CADM2: variants seen among roughly 807,000 people sequenced by gnomAD.
The protein encoded by CADM2 is immunoglobulin superfamily member 4D.
CADM2 carries 12 observed loss-of-function variants against 49.8 expected under a neutral mutation model. The ratio of observed to expected loss-of-function variants is 0.24; its 90% confidence interval spans 0.15 to 0.39. The LOEUF (loss-of-function observed/expected upper bound fraction) is 0.39, where lower values mean the gene tolerates loss of function less well. Ranked by LOEUF, CADM2 falls within the 10% of genes least tolerant of loss-of-function variation. The pLI is 1.00. For missense variants in CADM2, 378 were observed against 492.3 expected, an observed-to-expected ratio of 0.77 and a Z score of 2.20; for synonymous variants, 214 against 175.4, an observed-to-expected ratio of 1.22 and a Z score of -1.74.
intron 1 of CADM2, among the ~76,000 whole-genome samples, chr3:85,180,931 T>C (rs1390910755): frequency 1.3e-5 from 2 of 152,058 alleles, no homozygotes; most frequent in South Asian, 4.1e-4. Context: ...CAGGTATAAG[T>C]GATTAGTCCC....
At chr3:85,262,049 C>T (rs957099297) in intron 1 of CADM2, among the ~76,000 whole-genome samples, 1 of 152,030 alleles carries the variant, frequency 6.6e-6, no homozygotes, top group African/African-American at 2.4e-5. Context: ...CCATTTACAT[C>T]TTTGGCTGGT....
chr3:86,014,463 G>A (rs1287799481), intron 8 of CADM2: 14 of 1,496,382 alleles, frequency 9.4e-6, no homozygotes, highest in Non-Finnish European at 1.3e-5. Context: ...CACAAATTTG[G>A]TAACCAAACT....
chr3:85,537,505 T>C (rs1256820900), intron 1 of CADM2, among the ~76,000 whole-genome samples: 4 of 151,842 alleles, frequency 2.6e-5, no homozygotes, highest in African/African-American at 9.7e-5. Flanking sequence ...TGTGTGTGTG[T>C]GTGTGTGTGT....
At chr3:85,902,939 T>A (rs142550312) in intron 5 of CADM2, among the ~76,000 whole-genome samples, 1 of 151,894 alleles carries the variant, frequency 6.6e-6, no homozygotes, top group African/African-American at 2.4e-5. Context: ...TCATATAGTG[T>A]TATGTCTTTA....
intron 6 of CADM2, among the ~76,000 whole-genome samples, chr3:85,933,476 C>A (rs1375834767): frequency 6.6e-6 from 1 of 152,082 alleles, no homozygotes; most frequent in South Asian, 2.1e-4. Context: ...GGCACATTCC[C>A]CGCTCAATAA....
intron 8 of CADM2, among the ~76,000 whole-genome samples, chr3:86,038,985 A>T (rs374357576): frequency 3.3e-5 from 5 of 152,178 alleles, no homozygotes; most frequent in East Asian, 3.9e-4. Context: ...TAGAACAGCA[A>T]TGTGAAAATT....
At chr3:85,311,513 C>T (rs963051032) in intron 1 of CADM2, among the ~76,000 whole-genome samples, 4 of 151,794 alleles carry the variant, frequency 2.6e-5, no homozygotes, top group African/African-American at 2.4e-5. Context: ...GTAACTGGGA[C>T]TACAGCACCC....
At chr3:85,877,684 G>GTT (rs368101272) in intron 3 of CADM2, among the ~76,000 whole-genome samples, 5,842 of 111,748 alleles carry the variant, frequency 0.052, 244 homozygotes, top group African/African-American at 0.091. Flanking sequence ...TTTTTCTTCT[G>GTT]TTTTTTTTTT....
At chr3:85,847,458 T>C (rs1481948939) in intron 3 of CADM2, among the ~76,000 whole-genome samples, 1 of 152,250 alleles carries the variant, frequency 6.6e-6, no homozygotes, top group South Asian at 2.1e-4. Context: ...AGCTTTAAAG[T>C]TTTCAAGTGC....
chr3:86,013,605 G>C (rs1012520488), intron 8 of CADM2: 4 of 1,599,730 alleles, frequency 2.5e-6, no homozygotes, highest in Non-Finnish European at 3.4e-6. Flanking sequence ...GGAAGAGAGA[G>C]AATCACACTT....
At chr3:85,126,038 T>C (rs1299682319) in intron 1 of CADM2, among the ~76,000 whole-genome samples, 1 of 152,202 alleles carries the variant, frequency 6.6e-6, no homozygotes, top group Non-Finnish European at 1.5e-5. Context: ...TATGATATCA[T>C]ATATACATTA....
At chr3:85,999,072 C>T (rs1373588415) in intron 8 of CADM2, among the ~76,000 whole-genome samples, 5 of 151,986 alleles carry the variant, frequency 3.3e-5, no homozygotes, top group Admixed American at 3.3e-4. Context: ...TTTTAAAAAG[C>T]TTTGCAATAG....
At chr3:85,458,118 A>C (rs1319773827) in intron 1 of CADM2, among the ~76,000 whole-genome samples, 1 of 152,222 alleles carries the variant, frequency 6.6e-6, no homozygotes, top group Non-Finnish European at 1.5e-5. Flanking sequence ...TGTTCTTTTG[A>C]ACTTCTAAAA....
chr3:85,335,129 A>G (rs2045043151), intron 1 of CADM2, among the ~76,000 whole-genome samples: 1 of 151,522 alleles, frequency 6.6e-6, no homozygotes, highest in South Asian at 2.1e-4. Flanking sequence ...TGTCCTCTCA[A>G]AAAAACAAAA....
rs1183563254 is a variant in CADM2, at chr3:86,055,131, C to T, written c.971-10474C>T. Among the ~76,000 whole-genome samples, 3 of 152,226 alleles carry T rather than the reference C, an allele frequency of 2.0e-5. No homozygotes were observed. In the South Asian group the frequency reaches 6.2e-4, roughly 32 times the overall value. On this transcript the variant is annotated intron_variant, in intron 8 of 9. Transcript: ENST00000383699. ...AAAAGCAACCCCAAACTAGAAAATGCAGGCTTGTTGCAGGATGTCTAACCT... is the reference window on the plus strand; with the variant it reads ...AAAAGCAACCCCAAACTAGAAAATGTAGGCTTGTTGCAGGATGTCTAACCT...
chr3:85,973,079 G>A (rs191778422), intron 8 of CADM2, among the ~76,000 whole-genome samples: 5 of 151,770 alleles, frequency 3.3e-5, no homozygotes, highest in East Asian at 1.9e-4. Flanking sequence ...TCTCACACAT[G>A]ATAAAAGGGA....
intron 1 of CADM2, among the ~76,000 whole-genome samples, chr3:84,995,091 T>C (rs926728280): frequency 3.9e-5 from 6 of 152,188 alleles, no homozygotes; most frequent in Admixed American, 2.6e-4. Context: ...ATTTATTTCC[T>C]CATTATTTTT....
intron 3 of CADM2, among the ~76,000 whole-genome samples, chr3:85,879,004 T>TA (rs2108377381): frequency 6.6e-6 from 1 of 151,432 alleles, no homozygotes; most frequent in South Asian, 2.1e-4. Context: ...ACTACATGAG[T>TA]ATGTATAATA....
rs551526818 is a variant in CADM2 at position 85,911,871 on chromosome 3, C to T, written c.530-502C>T. 7.9e-5 allele frequency among the ~76,000 whole-genome samples: 12 copies of T among 151,950 alleles called. No homozygotes were observed. The South Asian group carries it at 1.0e-3, about 13-fold the overall frequency. On this transcript the variant is annotated intron_variant, in intron 5 of 9. Coordinates refer to ENST00000383699, the MANE Select transcript of CADM2 (RefSeq NM_001167675.2). ...TGAGACCAAAGAAATAAAATTGCTGCGCCCCCACCCTTTTATAATATTTCT... is the reference window on the plus strand; with the variant it reads ...TGAGACCAAAGAAATAAAATTGCTGTGCCCCCACCCTTTTATAATATTTCT...
Sources: gnomAD v4.1 joint callset for allele counts (sites outside exome capture counted in the v4.1 genomes callset) on GRCh38, gnomAD v4.1.1 for gene constraint, MANE v1.5 for transcripts, NCBI Gene and HGNC (gene_info 2026-07-23, HGNC 2026-07-21) for gene names.